Variants in RCC1 observed in about 807,000 individuals in gnomAD.
RCC1 encodes regulator of chromosome condensation 1, also known as regulator of chromosome condensation.
A neutral mutation model predicts 44.4 loss-of-function variants in RCC1; 11 were observed. The observed-to-expected ratio is 0.25, with a 90% confidence interval of 0.16 to 0.41. The LOEUF (loss-of-function observed/expected upper bound fraction) is 0.41. Ranked by LOEUF, RCC1 falls within the 10% of genes least tolerant of loss-of-function variation. The probability of loss-of-function intolerance (pLI) is 1.00; values close to 1 mark genes in which losing one functional copy is unlikely to be tolerated. For missense variants in RCC1, 386 were observed against 547.1 expected (o/e 0.71, Z 2.94); for synonymous variants, 213 against 216.5 (o/e 0.98, Z 0.14).
At chr1:28,532,509 C>T (rs571125900) in intron 7 of RCC1, among the ~76,000 whole-genome samples, 159 bp downstream of exon 7, 15 of 152,358 alleles carry the variant, frequency 9.8e-5, no homozygotes, top group African/African-American at 2.9e-4. Flanking sequence ...CTAGCTTCCT[C>T]ATGTGGGCCT....
rs982398961 is a variant in RCC1 at position 28,537,038 on chromosome 1, G to C, written c.1090+139G>C. On this transcript the variant is annotated intron_variant, in intron 12 of 12. Transcript: ENST00000683442. ...GTGTTTGTGATGGCACTTTGTTCCT[G>C]CTTCTCAGAAGCTCTGGCATTGATG... 7 of 879,260 alleles carry C rather than the reference G, an allele frequency of 8.0e-6. No individual in the cohort carries two copies. In the African/African-American group the frequency reaches 1.0e-4, roughly 13 times the overall value. 54.5% of individuals were successfully genotyped at this position (879,260 alleles called of 1,614,324 possible).
At chr1:28,506,511 A>C in intron 1 of RCC1, 2 of 276,106 alleles carry the variant, frequency 7.2e-6, no homozygotes, top group South Asian at 6.2e-5. Context: ...AAAACTATAT[A>C]TGGGTGTCTT....
chr1:28,516,894 G>A (rs575318685), intron 4 of RCC1, 27 bp downstream of exon 4: 3 of 456,362 alleles, frequency 6.6e-6, no homozygotes, highest in South Asian at 3.1e-5. Flanking sequence ...ACAGGGGAGT[G>A]CTTTGTGGCA....
intron 4 of RCC1, among the ~76,000 whole-genome samples, chr1:28,521,575 A>G (rs1663288845): frequency 6.6e-6 from 1 of 151,498 alleles, no homozygotes; most frequent in South Asian, 2.1e-4. Flanking sequence ...AGCCCAGTGC[A>G]GGGCCTCAAG....
intron 3 of RCC1, chr1:28,510,888 C>T (rs1011272350): frequency 6.6e-5 from 10 of 152,144 alleles, no homozygotes; most frequent in African/African-American, 2.4e-4. Context: ...TGATTTTTTT[C>T]TGAACCAGTG....
At chr1:28,528,078 G>A (rs376695040) in intron 4 of RCC1, among the ~76,000 whole-genome samples, 13 of 151,936 alleles carry the variant, frequency 8.6e-5, no homozygotes, top group Admixed American at 2.6e-4. Flanking sequence ...CCAGGACTTC[G>A]GGAGGCTGAG....
chr1:28,533,966 C>G (rs1221825747), intron 7 of RCC1, among the ~76,000 whole-genome samples: 1 of 140,042 alleles, frequency 7.1e-6, no homozygotes, highest in Non-Finnish European at 1.5e-5. Flanking sequence ...CAACCTCTGC[C>G]TCTCGGGCTC....
chr1:28,532,360 G>T lies in RCC1; in HGVS notation c.441+10G>T, dbSNP rs372960077. On this transcript the variant is annotated intron_variant, in intron 7 of 12. Coordinates refer to ENST00000683442, the MANE Select transcript of RCC1 (RefSeq NM_001381865.2). ...CTGGGGCTCCTTCCGGGTAAGGCTG[G>T]GTCTGAAAGTCTGCATGGTCCCTGA... 29 of 1,613,284 alleles carry T rather than the reference G, an allele frequency of 1.8e-5. No homozygotes were observed. The African/African-American group carries it at 2.4e-4, about 13-fold the overall frequency.
At chr1:28,509,904 TG>T (rs1662376340) in intron 3 of RCC1, 1 of 152,138 alleles carries the variant, frequency 6.6e-6, no homozygotes. Context: ...GAAAAATCGA[TG>T]GTAGCAACGG....
At chr1:28,529,726 G>A (rs1313105696) in intron 4 of RCC1, 132 bp from the exon 5 acceptor site, 3 of 682,242 alleles carry the variant, frequency 4.4e-6, no homozygotes, top group African/African-American at 1.8e-5. Context: ...TCTGTTCTTG[G>A]GATACATTTT....
chr1:28,532,060 A>G, intron 6 of RCC1, 70 bp downstream of exon 6: 1 of 1,556,760 alleles, frequency 6.4e-7, no homozygotes, highest in South Asian at 1.2e-5. Context: ...GGGCTTTTGA[A>G]CCACGCATGT....
chr1:28,514,131 T>G (rs1192723837), intron 3 of RCC1, among the ~76,000 whole-genome samples: 4 of 149,206 alleles, frequency 2.7e-5, no homozygotes, highest in Admixed American at 6.7e-5. Context: ...CGTGCCAGCC[T>G]AGGCAACAGA....
chr1:28,514,278 A>G (rs1235326704), intron 3 of RCC1, among the ~76,000 whole-genome samples: 16 of 149,986 alleles, frequency 1.1e-4, no homozygotes, highest in African/African-American at 2.2e-4. Context: ...GTGAAACCCC[A>G]TCTCTACTAA....
At chr1:28,516,404 TG>T (rs1662897038) in intron 3 of RCC1, among the ~76,000 whole-genome samples, 1 of 149,508 alleles carries the variant, frequency 6.7e-6, no homozygotes, top group African/African-American at 2.5e-5. Flanking sequence ...CCCAGCTACC[TG>T]GGAGGCTGAG....
rs183842043 is a variant in RCC1, at chr1:28,533,719, G to A, written c.442-1331G>A. 4.6e-4 allele frequency among the ~76,000 whole-genome samples: 52 copies of A among 112,586 alleles called. No homozygotes were observed. The East Asian group carries it at 0.015, about 31-fold the overall frequency. 73.9% of individuals were successfully genotyped at this position (112,586 alleles called of 152,430 possible). On this transcript the variant is annotated intron_variant, in intron 7 of 12. Transcript: ENST00000683442. ...TGGGAGGCGGAGGTTGCAGTGAGCC[G>A]AGATCGCGCCATTGCACTCCAGCCT...
intron 3 of RCC1, among the ~76,000 whole-genome samples, chr1:28,511,518 G>A (rs560860304): frequency 1.6e-4 from 25 of 151,692 alleles, no homozygotes; most frequent in African/African-American, 2.7e-4. Context: ...ACAGGTGCAC[G>A]CCGCCACACC....
chr1:28,520,333 C>T (rs185808637), intron 4 of RCC1, among the ~76,000 whole-genome samples: 38 of 152,274 alleles, frequency 2.5e-4, no homozygotes, highest in African/African-American at 8.9e-4. Flanking sequence ...TTACAGAAAT[C>T]GAGGCTGTGG....
At chr1:28,519,883 T>C (rs1279207317) in intron 4 of RCC1, among the ~76,000 whole-genome samples, 1 of 151,762 alleles carries the variant, frequency 6.6e-6, no homozygotes, top group East Asian at 1.9e-4. Context: ...AATTTTTTTT[T>C]TTTTTCTGAT....
In RCC1 at chr1:28,536,918, A is replaced by G. The variant is rs1242485678; in HGVS notation, c.1090+19A>G. The G allele has an allele frequency of 1.9e-6, 3 of 1,609,492 alleles. No individual in the cohort carries two copies. The highest frequency in any genetic ancestry group is 2.5e-6 in the Non-Finnish European group (3 of 1,179,360). ...AAGGATGGTGAGTGGGGCTGCCTAC[A>G]CTCTGTCTAGTTGGGACCTGGGGGT... is the stretch of plus-strand genomic sequence containing the variant. On this transcript the variant is annotated intron_variant, in intron 12 of 12. Transcript: ENST00000683442. This position sits in a 1 kb window ranked among gnomAD's most constrained non-coding sequence, Gnocchi z 4.9.
Sources: allele counts gnomAD v4.1 joint callset (sites outside exome capture counted in the v4.1 genomes callset), GRCh38; gene constraint gnomAD v4.1.1; non-coding constraint Gnocchi (gnomAD v3.1); transcripts MANE v1.5; gene names NCBI Gene and HGNC (gene_info 2026-07-23, HGNC 2026-07-21).